ZNF837: variants seen among roughly 807,000 people sequenced by gnomAD.
ZNF837 encodes zinc finger protein 837.
For synonymous variants in ZNF837, 475 were observed against 365.2 expected (o/e 1.30, Z -3.43); for missense variants, 955 against 801.7 (o/e 1.19, Z -2.31).
In ZNF837 at chr19:58,367,836, G is replaced by A; in HGVS notation, c.1497C>T (p.Gly499=). The stretch of plus-strand genomic sequence containing the variant: ...AATCTCCGCACGCGTAGGGCCGCTC[G>A]CCCGTGTGCGTGCGCAGGTGGCGCA... The part of the protein sequence containing the change: ...SLVRHLRTHT[G]ERPYACGDCG... Residue 499 remains glycine (G), a synonymous_variant, in exon 3 of 3, where the codon GGC becomes GGT. Transcript: ENST00000597582. 1 of 1,535,974 alleles carries A rather than the reference G, an allele frequency of 6.5e-7. No homozygotes were observed. Among genetic ancestry groups the A allele is most frequent in the Non-Finnish European group, 8.7e-7 (1 of 1,144,876 alleles).
chr19:58,378,912 A>C lies in ZNF837; in HGVS notation c.-140+2029T>G, dbSNP rs560438324. On this transcript the variant is annotated intron_variant, in intron 1 of 2. Coordinates refer to ENST00000597582, the MANE Select transcript of ZNF837 (RefSeq NM_138466.2). Reference sequence around the variant, plus strand: ...ACCCGGAGCCGCCAGAAGCCGGAAGAGGCAAGGAAAGACCCCCACCCAGAG... The same window carrying C: ...ACCCGGAGCCGCCAGAAGCCGGAAGCGGCAAGGAAAGACCCCCACCCAGAG... 2.0e-5 allele frequency among the ~76,000 whole-genome samples: 3 copies of C among 152,326 alleles called. No homozygotes were observed. In the South Asian group the frequency reaches 6.2e-4, roughly 32 times the overall value.
At chr19:58,376,370 G>T (rs375267483) in intron 1 of ZNF837, among the ~76,000 whole-genome samples, 1,628 of 151,726 alleles carry the variant, frequency 0.011, 28 homozygotes, top group African/African-American at 0.035. Flanking sequence ...GGCTAACACG[G>T]TGAAACCCCA....
intron 1 of ZNF837, among the ~76,000 whole-genome samples, chr19:58,376,815 T>A (rs1017741320): frequency 1.1e-4 from 16 of 151,870 alleles, no homozygotes; most frequent in African/African-American, 3.9e-4. Context: ...TGTAGTGGCT[T>A]ATGCCTATAA....
rs765469333 is a variant in ZNF837 at position 58,368,106 on chromosome 19, G to A, written c.1227C>T (p.His409=). 1 of 1,567,540 alleles carries A rather than the reference G, an allele frequency of 6.4e-7. No homozygotes were observed. The highest frequency in any genetic ancestry group is 8.6e-7 in the Non-Finnish European group (1 of 1,159,050). The part of the protein sequence containing the change: ...AFNQRSNLSR[H]QRTHSSAKPY... ...GCTTGGCGCTGCTGTGAGTGCGCTG[G>A]TGCCGGCTCAGGTTCGAGCGCTGGT... The change falls in exon 3 of 3, where the codon CAC becomes CAT. Residue 409 remains histidine (H), a synonymous_variant. Coordinates refer to ENST00000597582, the MANE Select transcript of ZNF837 (RefSeq NM_138466.2).
At position 58,368,797 on chromosome 19, in the gene ZNF837, C is replaced by G. The variant is rs1261713856; in HGVS notation, c.536G>C (p.Cys179Ser). 1 of 1,545,000 alleles carries G rather than the reference C, an allele frequency of 6.5e-7. No homozygotes were observed. Among genetic ancestry groups the G allele is most frequent in the Non-Finnish European group, 8.7e-7 (1 of 1,146,666 alleles). ...PCQPGTGAPT[C>S]PRTPKPTSRG... is the part of the protein sequence containing the mutation. Reference sequence around the variant, plus strand: ...GGAGGTCGGCTTTGGGGTCCTCGGGCAGGTCGGAGCGCCAGTCCCTGGTTG... The same window carrying G: ...GGAGGTCGGCTTTGGGGTCCTCGGGGAGGTCGGAGCGCCAGTCCCTGGTTG... Residue 179 changes from cysteine (C) to serine (S), a missense_variant, in exon 3 of 3, where the codon TGC becomes TCC. Coordinates refer to ENST00000597582, the MANE Select transcript of ZNF837 (RefSeq NM_138466.2).
In ZNF837 at chr19:58,368,651, C is replaced by G. The variant is rs901292070; in HGVS notation, c.682G>C (p.Ala228Pro). Residue 228 changes from alanine to proline, a missense_variant, in exon 3 of 3, where the codon GCC becomes CCC. Transcript: ENST00000597582. ...GGGCGGAAGCGCTTCCCGCACCGGGCACACGGACGGGGCTCCTCCGTCGCC... is the reference window on the plus strand; with the variant it reads ...GGGCGGAAGCGCTTCCCGCACCGGGGACACGGACGGGGCTCCTCCGTCGCC... ...LQATEEPRPCARCGKRFRPNQ... is the reference protein window; with the variant it reads ...LQATEEPRPCPRCGKRFRPNQ... The G allele has an allele frequency of 1.0e-5, 16 of 1,529,366 alleles. No individual in the cohort carries two copies. The highest frequency in any genetic ancestry group is 1.3e-5 in the Non-Finnish European group (15 of 1,142,644). The allele number at this position is 1,529,366 out of a possible 1,614,324, so 94.7% of individuals were successfully genotyped here. A position where few individuals can be genotyped will look rare whatever the true frequency, so the allele number is the denominator to read the frequency against.
chr19:58,379,684 G>A (rs756862085), intron 1 of ZNF837, among the ~76,000 whole-genome samples: 4 of 152,212 alleles, frequency 2.6e-5, no homozygotes, highest in Non-Finnish European at 5.9e-5. Context: ...AGGATGCAGA[G>A]TTACCAATTT....
Position 58,368,329 on chromosome 19 carries a change from C to A in ZNF837, c.1004G>T (p.Arg335Leu), listed in dbSNP as rs964321125. 2.0e-6 allele frequency: 3 copies of A among 1,503,700 alleles called. No homozygotes were observed. In the African/African-American group the frequency reaches 4.3e-5, roughly 21 times the overall value. The allele number at this position is 1,503,700 out of a possible 1,614,324, so 93.1% of individuals were successfully genotyped here. ...RHRRGPVLARRAFRLGCPPCG... is the reference protein window; with the variant it reads ...RHRRGPVLARLAFRLGCPPCG... ...GGGCGGGCACCCCAGCCGGAAGGCG[C>A]GCCGCGCCAGGACGGGGCCACGCCG... Residue 335 changes from arginine to leucine, a missense_variant, in exon 3 of 3, where the codon CGC (arginine) becomes CTC (leucine). By Grantham distance (102) the Arg-to-Leu change is moderately radical (BLOSUM62 -2). Coordinates refer to ENST00000597582, the MANE Select transcript of ZNF837 (RefSeq NM_138466.2).
At chr19:58,370,065 T>A (rs1324504646) in intron 1 of ZNF837, 137 bp from the exon 2 acceptor site, 3 of 152,206 alleles carry the variant, frequency 2.0e-5, no homozygotes, top group Non-Finnish European at 2.9e-5. Flanking sequence ...TGTGGCTGTA[T>A]TAGTTATCTA....
rs1291154577 is a variant in ZNF837, at chr19:58,367,956, G to A, written c.1377C>T (p.Cys459=). 2.0e-6 allele frequency: 3 copies of A among 1,533,246 alleles called. No individual in the cohort carries two copies. The highest frequency in any genetic ancestry group is 2.6e-6 in the Non-Finnish European group (3 of 1,144,228). 95.0% of individuals were successfully genotyped at this position (1,533,246 alleles called of 1,614,324 possible). ...GGCGCTCGTGCTGGCGCAGCTCGGA[G>A]CAGCCGCGGAAGGTCTTTCCGCACT... The part of the protein sequence containing the change: ...CSECGKTFRG[C]SELRQHERLH... Residue 459 remains cysteine, a synonymous_variant, in exon 3 of 3, where the codon TGC becomes TGT. Coordinates refer to ENST00000597582, the MANE Select transcript of ZNF837 (RefSeq NM_138466.2).
At chr19:58,374,907 T>G (rs1225233803) in intron 1 of ZNF837, among the ~76,000 whole-genome samples, 1 of 150,430 alleles carries the variant, frequency 6.6e-6, no homozygotes, top group Non-Finnish European at 1.5e-5. Context: ...CACTCCAGCC[T>G]GGGCGACTGA....
chr19:58,367,803 G>A lies in ZNF837; in HGVS notation c.1530C>T (p.Arg510=), dbSNP rs1253394449. 3.3e-6 allele frequency: 5 copies of A among 1,536,406 alleles called. No individual in the cohort carries two copies. The highest frequency in any genetic ancestry group is 3.5e-6 in the Non-Finnish European group (4 of 1,145,856). Residue 510 remains arginine (R), a synonymous_variant, in exon 3 of 3, where the codon CGC becomes CGT. Coordinates refer to ENST00000597582, the MANE Select transcript of ZNF837 (RefSeq NM_138466.2). ...ERPYACGDCG[R]AFSQRSNLNE... The stretch of plus-strand genomic sequence containing the variant: ...TGAGGTTGGAGCGTTGGCTGAAGGC[G>A]CGGCCGCAATCTCCGCACGCGTAGG...
At chr19:58,373,285 G>T (rs1436719279) in intron 1 of ZNF837, among the ~76,000 whole-genome samples, 1 of 152,210 alleles carries the variant, frequency 6.6e-6, no homozygotes, top group African/African-American at 2.4e-5. Context: ...CCCACTGTGG[G>T]CTCTGCCACT....
At position 58,368,831 on chromosome 19, in the gene ZNF837, A is replaced by C; in HGVS notation, c.502T>G (p.Trp168Gly). Reference protein sequence around the residue: ...TQLCEVHTDCWPCQPGTGAPT... With the variant: ...TQLCEVHTDCGPCQPGTGAPT... Reference sequence around the variant, plus strand: ...GCGCCAGTCCCTGGTTGGCACGGCCAACAGTCCGTGTGGACCTCACACAGT... The same window carrying C: ...GCGCCAGTCCCTGGTTGGCACGGCCCACAGTCCGTGTGGACCTCACACAGT... Residue 168 changes from tryptophan to glycine, a missense_variant, in exon 3 of 3, where the codon TGG becomes GGG. By Grantham distance (184) the Trp-to-Gly change is radical. Coordinates refer to ENST00000597582, the MANE Select transcript of ZNF837 (RefSeq NM_138466.2). 2 of 1,546,908 alleles carry C rather than the reference A, an allele frequency of 1.3e-6. No homozygotes were observed. The highest frequency in any genetic ancestry group is 1.7e-6 in the Non-Finnish European group (2 of 1,146,700).
chr19:58,367,816 C>G lies in ZNF837; in HGVS notation c.1517G>C (p.Gly506Ala), dbSNP rs1480167732. The change falls in exon 3 of 3, where the codon GGA becomes GCA. Residue 506 changes from glycine to alanine, a missense_variant. Gly to Ala is a moderately conservative substitution (Grantham distance 60). Transcript: ENST00000597582. ...TTGGCTGAAGGCGCGGCCGCAATCT[C>G]CGCACGCGTAGGGCCGCTCGCCCGT... ...THTGERPYACGDCGRAFSQRS... is the reference protein window; with the variant it reads ...THTGERPYACADCGRAFSQRS... 1 of 1,536,458 alleles carries G rather than the reference C, an allele frequency of 6.5e-7. No homozygotes were observed. Among genetic ancestry groups the G allele is most frequent in the African/African-American group, 1.4e-5 (1 of 72,918 alleles).
chr19:58,371,100 G>C (rs1216460919), intron 1 of ZNF837, among the ~76,000 whole-genome samples: 2 of 151,964 alleles, frequency 1.3e-5, no homozygotes, highest in Non-Finnish European at 2.9e-5. Flanking sequence ...AATTAGCTGG[G>C]CGTGGTGGCG....
At chr19:58,376,633 CT>C (rs1451513259) in intron 1 of ZNF837, among the ~76,000 whole-genome samples, 9 of 143,554 alleles carry the variant, frequency 6.3e-5, no homozygotes, top group Admixed American at 2.8e-4. Context: ...AAAACAAGTT[CT>C]TTTAAATCTC....
intron 1 of ZNF837, among the ~76,000 whole-genome samples, chr19:58,374,970 A>AC (rs1555782391): frequency 2.2e-5 from 3 of 136,950 alleles, no homozygotes; most frequent in Non-Finnish European, 3.2e-5. Context: ...CACACACACA[A>AC]AAACATGGCC....
intron 1 of ZNF837, among the ~76,000 whole-genome samples, chr19:58,375,270 GTATATATATATATATATATATATATA>G (rs58582835): frequency 0.36 from 12,504 of 34,942 alleles, 1,421 homozygotes; most frequent in East Asian, 0.56. Context: ...AAAAAAAAAA[GTATATATATATATATATATATATATA>G]TATATATATA....
Sources: gnomAD v4.1 joint callset for allele counts (sites outside exome capture counted in the v4.1 genomes callset) on GRCh38, gnomAD v4.1.1 for gene constraint, MANE v1.5 for transcripts, NCBI Gene and HGNC (gene_info 2026-07-23, HGNC 2026-07-21) for gene names.